PRIM1: variants seen among roughly 807,000 people sequenced by gnomAD.
The protein encoded by PRIM1 is DNA primase small subunit.
In PRIM1, 38 loss-of-function variants were observed where a neutral mutation model predicts 60.2. The observed-to-expected ratio is 0.63, with a 90% CI of 0.49 to 0.83. PRIM1 has a LOEUF of 0.83. Ranked by LOEUF, PRIM1 falls within the 40% of genes least tolerant of loss-of-function variation. The pLI is 0.00. For synonymous variants in PRIM1, 158 were observed against 160.2 expected, an observed-to-expected ratio of 0.99 and a Z score of 0.10; for missense variants, 388 against 506.2, an observed-to-expected ratio of 0.77 and a Z score of 2.24.
chr12:56,734,533 A>T (rs1953809181), intron 11 of PRIM1, among the ~76,000 whole-genome samples: 1 of 150,908 alleles, frequency 6.6e-6, no homozygotes, highest in Non-Finnish European at 1.5e-5. Flanking sequence ...CTGAGTAGCT[A>T]TAACTACAGG....
intron 2 of PRIM1, among the ~76,000 whole-genome samples, chr12:56,748,726 C>A (rs544926322): frequency 2.0e-5 from 3 of 151,340 alleles, no homozygotes; most frequent in South Asian, 2.1e-4. Context: ...GAGGCCAAGG[C>A]GGGTGGATCA....
At position 56,738,428 on chromosome 12, in the gene PRIM1, C is replaced by T; in HGVS notation, c.1144+6G>A. 5 of 1,570,528 alleles carry T rather than the reference C, an allele frequency of 3.2e-6. No homozygotes were observed. Among genetic ancestry groups the T allele is most frequent in the Non-Finnish European group, 4.3e-6 (5 of 1,156,312 alleles). On this transcript the variant is annotated splice_donor_region_variant and intron_variant, in intron 11 of 12. Transcript: ENST00000338193. ...TTTAAAGTGAAGCTTCAAAATATTA[C>T]CTTACCTCTGGTTCTATGTTTGACA...
Sources: allele counts gnomAD v4.1 joint callset (sites outside exome capture counted in the v4.1 genomes callset), GRCh38; gene constraint gnomAD v4.1.1; transcripts MANE v1.5; gene names NCBI Gene and HGNC (gene_info 2026-07-23, HGNC 2026-07-21).